The following PCDH7 variants were observed in gnomAD, a reference collection of about 807,000 sequenced individuals.
PCDH7 encodes protocadherin-7.
In PCDH7, 17 loss-of-function variants were observed where a neutral mutation model predicts 58.9. That is an observed-to-expected ratio of 0.29 (90% CI 0.20 to 0.43). The LOEUF is 0.43. Among genes scored for constraint, PCDH7 ranks in the 20% least tolerant of loss-of-function variants. The pLI, the probability that PCDH7 is intolerant of heterozygous loss-of-function variation, is 1.00. For missense variants in PCDH7, 1,274 were observed against 1,441.0 expected (o/e 0.88, Z 1.88); for synonymous variants, 664 against 616.4 (o/e 1.08, Z -1.14).
At chr4:30,841,591 A>G (rs187861557) in intron 1 of PCDH7, among the ~76,000 whole-genome samples, 1 of 152,250 alleles carries the variant, frequency 6.6e-6, no homozygotes, top group East Asian at 1.9e-4. Context: ...TTCAGCCTTA[A>G]GCATTAAGCA....
At chr4:31,001,801 A>G (rs767736260) in intron 3 of PCDH7, among the ~76,000 whole-genome samples, 15 of 152,180 alleles carry the variant, frequency 9.9e-5, no homozygotes, top group Non-Finnish European at 1.5e-4. Flanking sequence ...TTAAAGGAAA[A>G]GTTCAATATG....
intron 1 of PCDH7, among the ~76,000 whole-genome samples, chr4:30,758,216 C>T (rs1719560855): frequency 6.6e-6 from 1 of 152,082 alleles, no homozygotes; most frequent in African/African-American, 2.4e-5. Context: ...GAGCATCTCA[C>T]CACACAGAGA....
At position 30,792,651 on chromosome 4, in the gene PCDH7, G is replaced by A. The variant is rs139360010; in HGVS notation, c.70+68055G>A. Among the ~76,000 whole-genome samples, 56 of 152,216 alleles carry A rather than the reference G, an allele frequency of 3.7e-4. No homozygotes were observed. The East Asian group carries it at 9.9e-3, about 27-fold the overall frequency. The stretch of plus-strand genomic sequence containing the variant: ...TAAGAGATTGGAGCTCTGAGATCAG[G>A]TACAGCTCAGTCTGTTTTCTAATTG... On this transcript the variant is annotated intron_variant, in intron 1 of 3. Transcript: ENST00000509759.
intron 3 of PCDH7, among the ~76,000 whole-genome samples, chr4:30,991,656 T>A (rs573132641): frequency 1.3e-5 from 2 of 152,200 alleles, no homozygotes; most frequent in Non-Finnish European, 2.9e-5. Flanking sequence ...GTATTTGAAA[T>A]TGACACCAAA....
Position 30,998,539 on chromosome 4 carries a change from T to C in PCDH7, c.*7+48324T>C, listed in dbSNP as rs566812046. Among the ~76,000 whole-genome samples the C allele has an allele frequency of 3.3e-5, 5 of 152,232 alleles. No individual in the cohort carries two copies. In the South Asian group the frequency reaches 1.0e-3, roughly 32 times the overall value. ...AAATCTGGTTCTCAGATCAGAAGAA[T>C]TGACATCACCTGGCCAAAAATGCCA... On this transcript the variant is annotated intron_variant, in intron 3 of 3. Coordinates refer to the PCDH7 transcript ENST00000509759.
intron 1 of PCDH7, among the ~76,000 whole-genome samples, chr4:30,840,399 G>T (rs1004546648): frequency 6.6e-6 from 1 of 151,990 alleles, no homozygotes; most frequent in Admixed American, 6.6e-5. Flanking sequence ...TGATCTCATC[G>T]CTTCCTTTAT....
At chr4:31,127,647 A>G (rs1718458409) in intron 3 of PCDH7, among the ~76,000 whole-genome samples, 1 of 152,188 alleles carries the variant, frequency 6.6e-6, no homozygotes, top group African/African-American at 2.4e-5. Context: ...TCTCAAGGTA[A>G]GAAACTATAT....
At chr4:31,066,245 G>A (rs1758080544) in intron 3 of PCDH7, among the ~76,000 whole-genome samples, 1 of 151,850 alleles carries the variant, frequency 6.6e-6, no homozygotes, top group Non-Finnish European at 1.5e-5. Flanking sequence ...ATATTATGAG[G>A]AAAGGAGGCT....
In PCDH7 at chr4:31,056,437, AGAAG is replaced by A. The variant is rs1224818952; in HGVS notation, c.*8-86032_*8-86029del. ...GAAGGAAAGAAGGAAAGAAAAAGAAAGAAGGAAAGAAAGAAAGAAAGAAGAAAGA... is the reference window on the plus strand; with the variant it reads ...GAAGGAAAGAAGGAAAGAAAAAGAAAGAAAGAAAGAAAGAAAGAAGAAAGA... On this transcript the variant is annotated intron_variant, in intron 3 of 3. Coordinates refer to the PCDH7 transcript ENST00000509759. 4.1e-4 allele frequency among the ~76,000 whole-genome samples: 35 copies of A among 84,626 alleles called. 2 individuals are homozygous for A. The South Asian group carries it at 0.014, about 33-fold the overall frequency. 55.5% of individuals were successfully genotyped at this position (84,626 alleles called of 152,430 possible).
At chr4:30,834,045 T>A (rs1156772373) in intron 1 of PCDH7, among the ~76,000 whole-genome samples, 1 of 152,174 alleles carries the variant, frequency 6.6e-6, no homozygotes, top group East Asian at 1.9e-4. Flanking sequence ...TGTGCCATTT[T>A]CCTTTATATT....
At chr4:31,091,207 C>G (rs1713203474) in intron 3 of PCDH7, among the ~76,000 whole-genome samples, 1 of 151,916 alleles carries the variant, frequency 6.6e-6, no homozygotes, top group Non-Finnish European at 1.5e-5. Flanking sequence ...CCTTCACTGA[C>G]TGATAGATGC....
intron 1 of PCDH7, among the ~76,000 whole-genome samples, chr4:30,792,815 A>C (rs987944246): frequency 6.6e-6 from 1 of 152,142 alleles, no homozygotes; most frequent in Admixed American, 6.6e-5. Flanking sequence ...TGTCAGACTT[A>C]TGAAAGAAGC....
In PCDH7 at chr4:30,957,579, T is replaced by C. The variant is rs755300201; in HGVS notation, c.*7+7364T>C. ...TTATAATAGGAGCAAAAATTGACAT[T>C]GGGTGGGGTGATTGTTTTAAAAGGT... On this transcript the variant is annotated intron_variant, in intron 3 of 3. Transcript: ENST00000509759. Among the ~76,000 whole-genome samples, 18 of 152,220 alleles carry C rather than the reference T, an allele frequency of 1.2e-4. No homozygotes were observed. The South Asian group carries it at 2.5e-3, about 21-fold the overall frequency.
At chr4:30,724,770 A>AT in intron 1 of PCDH7, 174 bp downstream of exon 1, 1 of 1,422,426 alleles carries the variant, frequency 7.0e-7, no homozygotes, top group South Asian at 1.7e-5. Flanking sequence ...TACAAGAGGT[A>AT]TACCACTGTA....
chr4:30,924,550 T>C (rs1188119340), intron 2 of PCDH7, among the ~76,000 whole-genome samples: 2 of 152,190 alleles, frequency 1.3e-5, no homozygotes, highest in East Asian at 3.9e-4. Flanking sequence ...AGAAAATGCA[T>C]TTATTACATA....
At chr4:30,927,755 A>G (rs921503513) in intron 2 of PCDH7, among the ~76,000 whole-genome samples, 1 of 151,926 alleles carries the variant, frequency 6.6e-6, no homozygotes, top group Non-Finnish European at 1.5e-5. Context: ...GGAAAACCAG[A>G]GACCTTTGTT....
At chr4:30,726,052 A>T (rs543485971) in intron 1 of PCDH7, among the ~76,000 whole-genome samples, 2 of 152,186 alleles carry the variant, frequency 1.3e-5, no homozygotes, top group South Asian at 4.1e-4. Context: ...TGAATTATTT[A>T]TTTATTTTAA....
intron 1 of PCDH7, among the ~76,000 whole-genome samples, chr4:30,773,955 T>C (rs1577738408): frequency 6.6e-6 from 1 of 152,342 alleles, no homozygotes. Flanking sequence ...CCATCCCATA[T>C]TCCATTTAGT....
At chr4:31,125,054 T>C (rs563637888) in intron 3 of PCDH7, among the ~76,000 whole-genome samples, 1 of 152,300 alleles carries the variant, frequency 6.6e-6, no homozygotes, top group African/African-American at 2.4e-5. Flanking sequence ...AAAATAGACC[T>C]ATCCCGTGAA....
Sources: gnomAD v4.1 joint callset for allele counts (sites outside exome capture counted in the v4.1 genomes callset) on GRCh38, gnomAD v4.1.1 for gene constraint, MANE v1.5 for transcripts, NCBI Gene and HGNC (gene_info 2026-07-23, HGNC 2026-07-21) for gene names.